The following ARPC1A variants were observed in gnomAD, a reference collection of about 807,000 sequenced individuals.
ARPC1A encodes the protein actin-related protein 2/3 complex subunit 1A.
A neutral mutation model predicts 46.9 loss-of-function variants in ARPC1A; 8 were observed. The observed-to-expected ratio is 0.17, with a 90% CI of 0.10 to 0.31. The LOEUF is 0.31. Ranked by LOEUF, ARPC1A falls within the 10% of genes least tolerant of loss-of-function variation. The pLI, the probability that ARPC1A is intolerant of heterozygous loss-of-function variation, is 1.00. For missense variants in ARPC1A, 286 were observed against 483.6 expected, an observed-to-expected ratio of 0.59 and a Z score of 3.83; for synonymous variants, 152 against 169.0, an observed-to-expected ratio of 0.90 and a Z score of 0.78.
At position 99,342,884 on chromosome 7, in the gene ARPC1A, G is replaced by A. The variant is rs536831091; in HGVS notation, c.170-1409G>A. On this transcript the variant is annotated intron_variant, in intron 3 of 9. Transcript: ENST00000262942. Reference sequence around the variant, plus strand: ...ACTACACGCGCCTGTCACCACGCCCGGCTAATTTTTTCCATTTTTAATAGG... The same window carrying A: ...ACTACACGCGCCTGTCACCACGCCCAGCTAATTTTTTCCATTTTTAATAGG... 2.1e-4 allele frequency among the ~76,000 whole-genome samples: 32 copies of A among 151,582 alleles called. No individual in the cohort carries two copies. The South Asian group carries it at 5.6e-3, about 27-fold the overall frequency.
At position 99,359,607 on chromosome 7, in the gene ARPC1A, C is replaced by A; in HGVS notation, c.852C>A (p.Ser284=). 1 of 1,614,118 alleles carries A rather than the reference C, an allele frequency of 6.2e-7. No homozygotes were observed. Residue 284 remains serine, a synonymous_variant, in exon 8 of 10, where the codon TCC becomes TCA. Transcript: ENST00000262942. ...YDDRGCLTFV[S]KLDIPKQSIQ... is the part of the protein sequence containing the mutation. ...ACCGCGGCTGCCTGACCTTCGTCTC[C>A]AAGTTAGATATTCCAAAACAGAGCA...
At chr7:99,326,555 C>T (rs1294662761) in intron 1 of ARPC1A, among the ~76,000 whole-genome samples, 2 of 152,206 alleles carry the variant, frequency 1.3e-5, no homozygotes, top group Admixed American at 6.5e-5. Flanking sequence ...GCACCCTTCT[C>T]GGCGCTCTTA....
rs1034774003 is a variant in ARPC1A, at chr7:99,335,917, G to T, written c.65-2264G>T. ...TGCAGTGAGCCGAGATTGTGCCACC[G>T]CACTCCAGCCTTGGCAACAGAGTGA... On this transcript the variant is annotated intron_variant, in intron 2 of 9. Transcript: ENST00000262942. 4.0e-5 allele frequency among the ~76,000 whole-genome samples: 6 copies of T among 151,374 alleles called. No homozygotes were observed. The South Asian group carries it at 1.0e-3, about 26-fold the overall frequency.
Position 99,366,162 on chromosome 7 carries a change from A to C in ARPC1A, c.*233A>C, listed in dbSNP as rs1020694537. On this transcript the variant is annotated 3_prime_UTR_variant, in exon 10 of 10. Transcript: ENST00000262942. The stretch of plus-strand genomic sequence containing the variant: ...CCATTCTTGACCAAAGCTTCTCTTT[A>C]AGTAGTTTATTATGGAAAATTGTCA... 7 of 536,216 alleles carry C rather than the reference A, an allele frequency of 1.3e-5. No individual in the cohort carries two copies. In the African/African-American group the frequency reaches 1.3e-4, roughly 10 times the overall value. The allele number at this position is 536,216 out of a possible 1,614,324, so 33.2% of individuals were successfully genotyped here.
At chr7:99,332,572 A>G (rs1793160923) in intron 1 of ARPC1A, among the ~76,000 whole-genome samples, 1 of 151,814 alleles carries the variant, frequency 6.6e-6, no homozygotes, top group South Asian at 2.1e-4. Flanking sequence ...TGCTAGATTT[A>G]TTCAGATGGT....
intron 3 of ARPC1A, among the ~76,000 whole-genome samples, chr7:99,338,801 C>T (rs988931012): frequency 6.6e-6 from 1 of 152,242 alleles, no homozygotes; most frequent in South Asian, 2.1e-4. Context: ...CAGCACTCTA[C>T]CGTTGCTATG....
At chr7:99,342,823 C>T (rs987184486) in intron 3 of ARPC1A, among the ~76,000 whole-genome samples, 10 of 148,772 alleles carry the variant, frequency 6.7e-5, no homozygotes, top group Admixed American at 2.7e-4. Flanking sequence ...CCCGGGTTCA[C>T]ACCATTCTCC....
At chr7:99,339,787 T>C in intron 3 of ARPC1A, 1 of 280,040 alleles carries the variant, frequency 3.6e-6, no homozygotes, top group South Asian at 3.3e-5. Flanking sequence ...ATGAAAGTGC[T>C]GAATAGGCAT....
At chr7:99,344,870 T>C (rs1793417294) in intron 4 of ARPC1A, among the ~76,000 whole-genome samples, 1 of 150,742 alleles carries the variant, frequency 6.6e-6, no homozygotes, top group Non-Finnish European at 1.5e-5. Flanking sequence ...TTTTCTTTTT[T>C]TTTTTTTTTC....
At chr7:99,332,901 GC>G (rs1391489034) in intron 1 of ARPC1A, among the ~76,000 whole-genome samples, 1 of 127,492 alleles carries the variant, frequency 7.8e-6, no homozygotes, top group African/African-American at 3.7e-5. Flanking sequence ...ACCATGCCCG[GC>G]CTTTTTTTTT....
At chr7:99,360,849 G>A (rs763894046) in intron 8 of ARPC1A, among the ~76,000 whole-genome samples, 2 of 149,644 alleles carry the variant, frequency 1.3e-5, no homozygotes, top group Admixed American at 1.3e-4. Flanking sequence ...GCTGAGGCAG[G>A]AGAATTGCTT....
chr7:99,330,284 T>C (rs547549138), intron 1 of ARPC1A, among the ~76,000 whole-genome samples: 1 of 152,160 alleles, frequency 6.6e-6, no homozygotes, highest in Admixed American at 6.6e-5. Flanking sequence ...AAAGTTGCAC[T>C]TACCTTTGGG....
At position 99,342,962 on chromosome 7, in the gene ARPC1A, T is replaced by C. The variant is rs556200645; in HGVS notation, c.170-1331T>C. ...TAGTCTCGATCTCCTAACCTCGTGA[T>C]CCGCCTGCCTCGGCCTCCCAAAGAG... is the stretch of plus-strand genomic sequence containing the variant. On this transcript the variant is annotated intron_variant, in intron 3 of 9. Coordinates refer to ENST00000262942, the MANE Select transcript of ARPC1A (RefSeq NM_006409.4). 2.8e-3 allele frequency among the ~76,000 whole-genome samples: 421 copies of C among 152,098 alleles called. 1 individual carries two copies. Among genetic ancestry groups the C allele is most frequent in the African/African-American group, 9.9e-3 (411 of 41,512 alleles).
rs1793584120 is a variant in ARPC1A at position 99,353,651 on chromosome 7, G to A, written c.501-258G>A. On this transcript the variant is annotated intron_variant, in intron 5 of 9. Coordinates refer to ENST00000262942, the MANE Select transcript of ARPC1A (RefSeq NM_006409.4). ...CGCCCCCACGCTTGGCTAATTTTGT[G>A]TATTTTTAGTAGAGACGGGGTTTCT... Among the ~76,000 whole-genome samples the A allele has an allele frequency of 2.6e-5, 4 of 151,528 alleles. No homozygotes were observed. In the South Asian group the frequency reaches 8.3e-4, roughly 32 times the overall value.
chr7:99,332,825 T>C (rs1430762042), intron 1 of ARPC1A, among the ~76,000 whole-genome samples: 2 of 151,572 alleles, frequency 1.3e-5, no homozygotes, highest in African/African-American at 4.9e-5. Flanking sequence ...ATGGTCTGGA[T>C]CTCCTGACCT....
At position 99,366,040 on chromosome 7, in the gene ARPC1A, C is replaced by A; in HGVS notation, c.*111C>A. ...AAGGAAACACTGAAAACACATATCA[C>A]GCCAATGCCGTGTGGTTTTGTTTGA... On this transcript the variant is annotated 3_prime_UTR_variant, in exon 10 of 10. Transcript: ENST00000262942. 1 of 1,256,482 alleles carries A rather than the reference C, an allele frequency of 8.0e-7. No individual in the cohort carries two copies. Among genetic ancestry groups the A allele is most frequent in the Non-Finnish European group, 1.1e-6 (1 of 901,116 alleles). 77.8% of individuals were successfully genotyped at this position (1,256,482 alleles called of 1,614,324 possible).
At chr7:99,355,712 C>G (rs1485147320) in intron 6 of ARPC1A, among the ~76,000 whole-genome samples, 2 of 152,046 alleles carry the variant, frequency 1.3e-5, no homozygotes, top group African/African-American at 4.8e-5. Flanking sequence ...CCATTGCACT[C>G]CAGCCTGGGC....
At chr7:99,334,850 A>ATT (rs200003119) in intron 2 of ARPC1A, among the ~76,000 whole-genome samples, 5 of 144,158 alleles carry the variant, frequency 3.5e-5, no homozygotes, top group African/African-American at 1.3e-4. Context: ...CCTGGCTAAT[A>ATT]TTTTTTTTTT....
At chr7:99,349,819 G>A (rs558404829) in intron 5 of ARPC1A, among the ~76,000 whole-genome samples, 3 of 152,130 alleles carry the variant, frequency 2.0e-5, no homozygotes, top group African/African-American at 4.8e-5. Context: ...CAGCCTGGGC[G>A]ACAGAGCGAG....
Sources: allele counts gnomAD v4.1 joint callset (sites outside exome capture counted in the v4.1 genomes callset), GRCh38; gene constraint gnomAD v4.1.1; transcripts MANE v1.5; gene names NCBI Gene and HGNC (gene_info 2026-07-23, HGNC 2026-07-21).